The following LAMA3 variants were observed in gnomAD, a reference collection of about 807,000 sequenced individuals.
LAMA3 encodes the protein laminin subunit alpha-3.
A neutral mutation model predicts 402.0 loss-of-function variants in LAMA3; 281 were observed. The observed-to-expected ratio is 0.70, with a 90% confidence interval of 0.63 to 0.77. LAMA3 has a LOEUF of 0.77. LAMA3 is among the 30% of genes least tolerant of loss of function. The probability of loss-of-function intolerance (pLI) is 0.00; values close to 1 mark genes in which losing one functional copy is unlikely to be tolerated. For missense variants in LAMA3, 3,840 were observed against 4,215.5 expected (o/e 0.91, Z 2.47); for synonymous variants, 1,431 against 1,558.4 (o/e 0.92, Z 1.93).
chr18:23,888,010 G>C (rs965608082), intron 41 of LAMA3, among the ~76,000 whole-genome samples: 1 of 152,206 alleles, frequency 6.6e-6, no homozygotes, highest in Non-Finnish European at 1.5e-5. Flanking sequence ...GAATATTTCT[G>C]TGATTTAAAT....
chr18:23,809,548 C>T (rs996310537), intron 12 of LAMA3, among the ~76,000 whole-genome samples: 3 of 152,126 alleles, frequency 2.0e-5, no homozygotes, highest in African/African-American at 4.8e-5. Flanking sequence ...CAAATGGGGA[C>T]GACCTTGTGC....
At chr18:23,748,544 C>T (rs2061692181) in intron 3 of LAMA3, among the ~76,000 whole-genome samples, 1 of 151,888 alleles carries the variant, frequency 6.6e-6, no homozygotes, top group Non-Finnish European at 1.5e-5. Flanking sequence ...CCTGTAATCC[C>T]AGCACTTTGG....
chr18:23,810,255 T>G, intron 12 of LAMA3, 111 bp from the exon 13 acceptor site: 1 of 1,271,056 alleles, frequency 7.9e-7, no homozygotes, highest in Non-Finnish European at 1.1e-6. Flanking sequence ...GGAGCTGGAA[T>G]TTGTGTTTGG....
chr18:23,879,804 C>T lies in LAMA3; in HGVS notation c.5113-2132C>T, dbSNP rs1018392418. 5.3e-5 allele frequency among the ~76,000 whole-genome samples: 8 copies of T among 152,300 alleles called. No homozygotes were observed. Among genetic ancestry groups the T allele is most frequent in the South Asian group, 4.1e-4 (2 of 4,822 alleles). ...ATTTTTACGGGACTTTGTCAAGCAA[C>T]ACGGGTTTTGACACTCTTCCTTGAT... On this transcript the variant is annotated intron_variant, in intron 39 of 74. Transcript: ENST00000313654. The surrounding 1 kb of genome is among the most constrained non-coding windows in gnomAD (Gnocchi z 4.2).
chr18:23,750,773 TA>T, intron 4 of LAMA3, 144 bp from the exon 5 acceptor site: 1 of 798,310 alleles, frequency 1.3e-6, no homozygotes, highest in Non-Finnish European at 2.1e-6. Context: ...TTTTTAGACA[TA>T]AACAAGACCC....
chr18:23,778,862 A>G (rs764276180), intron 11 of LAMA3, among the ~76,000 whole-genome samples: 18 of 152,228 alleles, frequency 1.2e-4, no homozygotes, highest in Non-Finnish European at 2.5e-4. Context: ...CAGGCTCTAC[A>G]GCAACATAGT....
At chr18:23,949,036 C>T (rs1190707910) in intron 70 of LAMA3, among the ~76,000 whole-genome samples, 1 of 152,158 alleles carries the variant, frequency 6.6e-6, no homozygotes, top group Non-Finnish European at 1.5e-5. Flanking sequence ...GGAAAATGCA[C>T]ACGCAGAACA....
intron 23 of LAMA3, 26 bp downstream of exon 23, chr18:23,827,493 A>G: frequency 1.2e-6 from 2 of 1,612,206 alleles, no homozygotes; most frequent in Non-Finnish European, 1.7e-6. Flanking sequence ...ATTTATTATC[A>G]AAGTTATTAC....
At chr18:23,782,631 T>A (rs913631252) in intron 11 of LAMA3, among the ~76,000 whole-genome samples, 3 of 152,150 alleles carry the variant, frequency 2.0e-5, no homozygotes, top group Non-Finnish European at 2.9e-5. Context: ...TATATGCTAA[T>A]CCAGGACACA....
intron 32 of LAMA3, among the ~76,000 whole-genome samples, chr18:23,857,066 CT>C (rs748173849): frequency 6.6e-6 from 1 of 152,234 alleles, no homozygotes; most frequent in African/African-American, 2.4e-5. Flanking sequence ...TTTGCATGCA[CT>C]GCCTCATGGG....
At chr18:23,941,401 CT>C (rs1422573101) in intron 68 of LAMA3, among the ~76,000 whole-genome samples, 3 of 150,072 alleles carry the variant, frequency 2.0e-5, no homozygotes, top group African/African-American at 7.3e-5. Flanking sequence ...GATTCAACCC[CT>C]GTGCCTTCCC....
At chr18:23,928,844 G>T in intron 64 of LAMA3, 79 bp downstream of exon 64, 1 of 1,330,940 alleles carries the variant, frequency 7.5e-7, no homozygotes, top group Non-Finnish European at 1.1e-6. Context: ...GAGAGATTTA[G>T]AAAGTGGTGG....
intron 6 of LAMA3, among the ~76,000 whole-genome samples, chr18:23,757,871 G>A (rs1482255607): frequency 6.6e-6 from 1 of 152,218 alleles, no homozygotes; most frequent in Non-Finnish European, 1.5e-5. Flanking sequence ...GCCCCATGAT[G>A]GAGCTGGCGC....
intron 24 of LAMA3, chr18:23,834,407 C>T (rs946268650): frequency 5.6e-6 from 1 of 178,410 alleles, no homozygotes; most frequent in Non-Finnish European, 1.2e-5. Flanking sequence ...TTGCAACACA[C>T]CTTCAGAACT....
Position 23,949,750 on chromosome 18 carries a change from T to C in LAMA3, c.9352-15T>C. On this transcript the variant is annotated splice_polypyrimidine_tract_variant and intron_variant, in intron 70 of 74. Transcript: ENST00000313654. ...GGTGTAGGTAATGAGCTTTTTCTTTTCTGCTTGGTTGCAGAGCCTCCCCAC... is the reference window on the plus strand; with the variant it reads ...GGTGTAGGTAATGAGCTTTTTCTTTCCTGCTTGGTTGCAGAGCCTCCCCAC... 6.2e-7 allele frequency: 1 copy of C among 1,613,664 alleles called. No individual in the cohort carries two copies. Among genetic ancestry groups the C allele is most frequent in the Non-Finnish European group, 8.5e-7 (1 of 1,179,968 alleles).
intron 10 of LAMA3, among the ~76,000 whole-genome samples, chr18:23,777,038 C>G: frequency 6.6e-6 from 1 of 151,866 alleles, no homozygotes; most frequent in Middle Eastern, 3.2e-3. Flanking sequence ...TGGGGTTTCT[C>G]TATGTTGGTC....
At chr18:23,924,363 G>A (rs778179578) in intron 62 of LAMA3, among the ~76,000 whole-genome samples, 1 of 151,372 alleles carries the variant, frequency 6.6e-6, no homozygotes, top group Non-Finnish European at 1.5e-5. Flanking sequence ...TGTTGTCCAG[G>A]CTGGTCTTGA....
chr18:23,847,376 C>T, intron 31 of LAMA3, 88 bp from the exon 32 acceptor site: 1 of 1,398,840 alleles, frequency 7.1e-7, no homozygotes, highest in Non-Finnish European at 1.0e-6. Flanking sequence ...CCTTTGGAGG[C>T]TTCTGGAAAG....
chr18:23,881,297 A>C (rs183559978), intron 39 of LAMA3, among the ~76,000 whole-genome samples: 4 of 152,340 alleles, frequency 2.6e-5, no homozygotes, highest in Admixed American at 6.5e-5. Flanking sequence ...TCTTTGGGAC[A>C]CTGGAATTCA....
Sources: allele counts gnomAD v4.1 joint callset (sites outside exome capture counted in the v4.1 genomes callset), GRCh38; gene constraint gnomAD v4.1.1; non-coding constraint Gnocchi (gnomAD v3.1); transcripts MANE v1.5; gene names NCBI Gene and HGNC (gene_info 2026-07-23, HGNC 2026-07-21).